Variants in PAQR5 observed in about 807,000 individuals in gnomAD.
PAQR5 encodes progestin and adipoQ receptor family member 5.
Under a neutral mutation model 34.5 loss-of-function variants are expected in PAQR5, and 20 were observed. That is an observed-to-expected ratio of 0.58 (90% CI 0.41 to 0.84). PAQR5 has a LOEUF of 0.84. Among genes scored for constraint, PAQR5 ranks in the 40% least tolerant of loss-of-function variants. The probability of loss-of-function intolerance (pLI) is 0.00; values close to 1 mark genes in which losing one functional copy is unlikely to be tolerated. For missense variants in PAQR5, 378 were observed against 412.7 expected, an observed-to-expected ratio of 0.92 and a Z score of 0.73; for synonymous variants, 131 against 155.6, an observed-to-expected ratio of 0.84 and a Z score of 1.18.
chr15:69,312,303 G>T (rs1230400463), intron 1 of PAQR5, among the ~76,000 whole-genome samples: 1 of 152,100 alleles, frequency 6.6e-6, no homozygotes, highest in Non-Finnish European at 1.5e-5. Context: ...ATTTGATTTT[G>T]TGGTAACTCC....
chr15:69,327,524 T>G (rs1471804073), intron 1 of PAQR5, among the ~76,000 whole-genome samples: 3 of 152,150 alleles, frequency 2.0e-5, no homozygotes, highest in African/African-American at 2.4e-5. Flanking sequence ...TTTAGAAGTC[T>G]CAGTCTCCCC....
chr15:69,366,715 T>A (rs995098175), intron 3 of PAQR5, among the ~76,000 whole-genome samples: 2 of 152,176 alleles, frequency 1.3e-5, no homozygotes, highest in African/African-American at 4.8e-5. Flanking sequence ...GTCCATAAGA[T>A]CAATTATCTT....
At position 69,355,818 on chromosome 15, in the gene PAQR5, A is replaced by G. The variant is rs1239174198; in HGVS notation, c.-115-4148A>G. Among the ~76,000 whole-genome samples the G allele has an allele frequency of 4.6e-5, 7 of 152,268 alleles. No homozygotes were observed. The East Asian group carries it at 9.6e-4, about 21-fold the overall frequency. Reference sequence around the variant, plus strand: ...GTGAAATGAAGGAATAGAATGATATAAAGCATGACTACTCCCCTCTATTCT... The same window carrying G: ...GTGAAATGAAGGAATAGAATGATATGAAGCATGACTACTCCCCTCTATTCT... On this transcript the variant is annotated intron_variant, in intron 2 of 8. Transcript: ENST00000395407.
At chr15:69,394,559 C>T (rs932791264) in intron 6 of PAQR5, among the ~76,000 whole-genome samples, 1 of 152,338 alleles carries the variant, frequency 6.6e-6, no homozygotes, top group African/African-American at 2.4e-5. Context: ...ATCCTTCCAG[C>T]TTTTTTGTCA....
chr15:69,305,738 T>G (rs549057658), intron 1 of PAQR5, among the ~76,000 whole-genome samples: 1 of 152,096 alleles, frequency 6.6e-6, no homozygotes, highest in South Asian at 2.1e-4. Flanking sequence ...AGTGTGGGTG[T>G]TGTTAGACGC....
chr15:69,349,607 T>C (rs1248192887), intron 2 of PAQR5, among the ~76,000 whole-genome samples: 1 of 152,074 alleles, frequency 6.6e-6, no homozygotes, highest in Non-Finnish European at 1.5e-5. Flanking sequence ...TATTAACAAG[T>C]TGGAGGTGTT....
intron 7 of PAQR5, 52 bp downstream of exon 7, chr15:69,397,616 G>C (rs771529583): frequency 8.2e-7 from 1 of 1,219,006 alleles, no homozygotes; most frequent in Non-Finnish European, 1.2e-6. Flanking sequence ...CAGGAAGTCA[G>C]TTGTTTTCCT....
At chr15:69,307,621 T>C (rs893548810) in intron 1 of PAQR5, among the ~76,000 whole-genome samples, 8 of 152,234 alleles carry the variant, frequency 5.3e-5, no homozygotes, top group Admixed American at 6.5e-5. Context: ...GCTGAGGAAC[T>C]TGGGCTCTGC....
rs757390142 is a variant in PAQR5 at position 69,379,968 on chromosome 15, C to T, written c.137C>T (p.Thr46Ile). 1 of 1,614,228 alleles carries T rather than the reference C, an allele frequency of 6.2e-7. No individual in the cohort carries two copies. The highest frequency in any genetic ancestry group is 8.5e-7 in the Non-Finnish European group (1 of 1,180,030). Residue 46 changes from threonine (T) to isoleucine (I), a missense_variant, in exon 4 of 9, where the codon ACC becomes ATC. Thr to Ile is a moderately conservative substitution (Grantham distance 89, BLOSUM62 -1). Transcript: ENST00000395407. ...TACILSLFQM[T>I]NETLNIWTHL... is the part of the protein sequence containing the mutation. ...TGCATCCTCAGCCTTTTCCAAATGA[C>T]CAATGAGACTCTCAACATTTGGACT...
At chr15:69,334,519 T>C (rs896926639) in intron 1 of PAQR5, among the ~76,000 whole-genome samples, 5 of 152,162 alleles carry the variant, frequency 3.3e-5, no homozygotes, top group African/African-American at 1.2e-4. Flanking sequence ...TGGGGACATG[T>C]GGAGAGCCAT....
intron 1 of PAQR5, among the ~76,000 whole-genome samples, chr15:69,331,047 G>T (rs554463804): frequency 6.6e-6 from 1 of 152,284 alleles, no homozygotes; most frequent in South Asian, 2.1e-4. Context: ...AGTGTACATC[G>T]ATCTAATTGC....
chr15:69,339,176 CA>C (rs376662478), intron 2 of PAQR5, among the ~76,000 whole-genome samples: 4 of 146,560 alleles, frequency 2.7e-5, no homozygotes, highest in Admixed American at 6.8e-5. Context: ...CTACACCCCC[CA>C]CCCCGCCACC....
rs71149910 is a variant in PAQR5 at position 69,358,633 on chromosome 15, A to ATTTTTTTTTTTTTTTTTTTTTTTTTTT, written c.-115-1317_-115-1316insTTTTTTTTTTTTTTTTTTTTTTTTTTT. Among the ~76,000 whole-genome samples the ATTTTTTTTTTTTTTTTTTTTTTTTTTT allele has an allele frequency of 5.9e-5, 5 of 84,466 alleles. 2 individuals carry two copies. Among genetic ancestry groups the ATTTTTTTTTTTTTTTTTTTTTTTTTTT allele is most frequent in the African/African-American group, 9.6e-5 (2 of 20,882 alleles). The allele number at this position is 84,466 out of a possible 152,430, so 55.4% of individuals were successfully genotyped here. On this transcript the variant is annotated intron_variant, in intron 2 of 8. Transcript: ENST00000395407. ...GCCCTTTTCTTTTCAGCTCTGTGGC[A>ATTTTTTTTTTTTTTTTTTTTTTTTTTT]TTTTTTTTTTTTTTTTGAGACAGAT...
At chr15:69,348,620 G>T (rs1248363800) in intron 2 of PAQR5, among the ~76,000 whole-genome samples, 1 of 152,150 alleles carries the variant, frequency 6.6e-6, no homozygotes, top group East Asian at 1.9e-4. Flanking sequence ...CTTGGCAGGG[G>T]ACATGTTCCA....
chr15:69,379,617 G>T (rs779006381), intron 3 of PAQR5: 74 of 981,122 alleles, frequency 7.5e-5, no homozygotes, highest in Non-Finnish European at 9.0e-5. Context: ...GAGTAAGTAC[G>T]CCGGGGAATG....
intron 3 of PAQR5, among the ~76,000 whole-genome samples, chr15:69,361,232 G>A (rs1240338207): frequency 1.3e-5 from 2 of 152,356 alleles, no homozygotes; most frequent in South Asian, 2.1e-4. Flanking sequence ...TGGGAACACA[G>A]TGTGATTCTT....
At chr15:69,356,569 C>T (rs1011622690) in intron 2 of PAQR5, among the ~76,000 whole-genome samples, 4 of 152,110 alleles carry the variant, frequency 2.6e-5, no homozygotes, top group Non-Finnish European at 5.9e-5. Flanking sequence ...GTGCAACCAT[C>T]GCCATCATCC....
At chr15:69,299,650 A>G (rs950636054) in intron 1 of PAQR5, among the ~76,000 whole-genome samples, 20 of 152,278 alleles carry the variant, frequency 1.3e-4, no homozygotes, top group African/African-American at 4.8e-4. Context: ...CCAGCTGGGC[A>G]TCTCCTGGCT....
intron 4 of PAQR5, chr15:69,382,879 A>C (rs2055951726): frequency 7.6e-6 from 1 of 132,108 alleles, no homozygotes; most frequent in East Asian, 2.2e-4. Flanking sequence ...ATCCTGGTGG[A>C]GGGAACTAAG....
Sources: allele counts gnomAD v4.1 joint callset (sites outside exome capture counted in the v4.1 genomes callset), GRCh38; gene constraint gnomAD v4.1.1; transcripts MANE v1.5; gene names NCBI Gene and HGNC (gene_info 2026-07-23, HGNC 2026-07-21).